The following NTN1 variants were observed in gnomAD, a reference collection of about 807,000 sequenced individuals.
The protein encoded by NTN1 is netrin 1.
Under a neutral mutation model 54.2 loss-of-function variants are expected in NTN1, and 11 were observed. That is an observed-to-expected ratio of 0.20 (90% confidence interval 0.13 to 0.34). NTN1 has a LOEUF of 0.34. Among genes scored for constraint, NTN1 ranks in the 10% least tolerant of loss-of-function variants. The pLI is 1.00. For synonymous variants in NTN1, 371 were observed against 382.0 expected, an observed-to-expected ratio of 0.97 and a Z score of 0.33; for missense variants, 740 against 893.1, an observed-to-expected ratio of 0.83 and a Z score of 2.18.
At chr17:9,185,692 C>A (rs1191219188) in intron 5 of NTN1, among the ~76,000 whole-genome samples, 1 of 152,160 alleles carries the variant, frequency 6.6e-6, no homozygotes, top group Admixed American at 6.5e-5. Flanking sequence ...TGGCACTCAC[C>A]TACTTGTTGG....
At chr17:9,147,275 G>C (rs538256071) in intron 2 of NTN1, among the ~76,000 whole-genome samples, 1 of 152,326 alleles carries the variant, frequency 6.6e-6, no homozygotes, top group African/African-American at 2.4e-5. Flanking sequence ...GGAGGCCGAG[G>C]TGGGCAGATC....
chr17:9,027,493 C>T (rs562562064), intron 2 of NTN1, among the ~76,000 whole-genome samples: 41 of 152,184 alleles, frequency 2.7e-4, no homozygotes, highest in African/African-American at 8.7e-4. Context: ...ATCCACTGTG[C>T]TGCTTTTCCA....
intron 2 of NTN1, among the ~76,000 whole-genome samples, chr17:9,074,820 A>G (rs1457982246): frequency 1.3e-5 from 2 of 152,212 alleles, no homozygotes; most frequent in Non-Finnish European, 2.9e-5. Flanking sequence ...AGCTGCCACT[A>G]TCTGGGAAAT....
At chr17:9,166,072 T>C (rs925592101) in intron 3 of NTN1, among the ~76,000 whole-genome samples, 5 of 151,948 alleles carry the variant, frequency 3.3e-5, no homozygotes, top group African/African-American at 9.7e-5. Context: ...GTAGGAACCA[T>C]CGTTAGGAGA....
intron 3 of NTN1, chr17:9,175,242 A>G (rs2092396927): frequency 1.3e-5 from 2 of 152,220 alleles, no homozygotes; most frequent in Non-Finnish European, 2.9e-5. Flanking sequence ...GAAACTGACG[A>G]TGAGAACCAC....
chr17:9,229,701 C>T (rs1905740317), intron 6 of NTN1, among the ~76,000 whole-genome samples: 1 of 152,032 alleles, frequency 6.6e-6, no homozygotes, highest in African/African-American at 2.4e-5. Context: ...AGCAGAGGCA[C>T]TGGGCATAGT....
rs1904909209 is a variant in NTN1, at chr17:9,204,329, T to C, written c.1412-16839T>C. On this transcript the variant is annotated intron_variant, in intron 5 of 6. Coordinates refer to ENST00000173229, the MANE Select transcript of NTN1 (RefSeq NM_004822.3). ...CTCTCTTTCTTTCTGACAGAGTCTC[T>C]GTTGCCCAGGCTGGAGTGCAGTGGC... Among the ~76,000 whole-genome samples, 5 of 151,844 alleles carry C rather than the reference T, an allele frequency of 3.3e-5. No individual in the cohort carries two copies. In the South Asian group the frequency reaches 1.0e-3, roughly 32 times the overall value.
intron 2 of NTN1, among the ~76,000 whole-genome samples, chr17:9,125,171 C>G (rs1331476296): frequency 6.6e-6 from 1 of 151,922 alleles, no homozygotes; most frequent in Non-Finnish European, 1.5e-5. Context: ...AAGCAGTCCT[C>G]CCACCCCAGT....
chr17:9,028,367 G>A (rs547544777), intron 2 of NTN1, among the ~76,000 whole-genome samples: 1 of 152,252 alleles, frequency 6.6e-6, no homozygotes, highest in South Asian at 2.1e-4. Flanking sequence ...GTTCTCTGCT[G>A]GGGTCCTCAT....
At chr17:9,199,211 C>T (rs1305118239) in intron 5 of NTN1, among the ~76,000 whole-genome samples, 4 of 152,304 alleles carry the variant, frequency 2.6e-5, no homozygotes, top group East Asian at 1.9e-4. Flanking sequence ...GGCACAATCT[C>T]GGCTCATTGC....
Position 9,072,168 on chromosome 17 carries a change from T to G in NTN1, c.1018+48777T>G, listed in dbSNP as rs143942283. Among the ~76,000 whole-genome samples, 82 of 151,638 alleles carry G rather than the reference T, an allele frequency of 5.4e-4. No individual in the cohort carries two copies. In the East Asian group the frequency reaches 0.015, roughly 28 times the overall value. On this transcript the variant is annotated intron_variant, in intron 2 of 6. Coordinates refer to ENST00000173229, the MANE Select transcript of NTN1 (RefSeq NM_004822.3). ...CACGTGATCCATCATTTCCTGGGGG[T>G]CTTCATGAGTCCTTAGCCCCAGCTT...
At chr17:9,178,821 G>A (rs910402855) in intron 3 of NTN1, 2 of 152,436 alleles carry the variant, frequency 1.3e-5, no homozygotes, top group Admixed American at 1.3e-4. Flanking sequence ...AGGGAGGCAG[G>A]ACTTAGCAGG....
intron 2 of NTN1, among the ~76,000 whole-genome samples, chr17:9,095,511 C>T (rs191711682): frequency 6.6e-6 from 1 of 152,334 alleles, no homozygotes. Flanking sequence ...CGAAATGCTC[C>T]TTTGCCATGT....
chr17:9,022,340 C>T lies in NTN1; in HGVS notation c.-34C>T, dbSNP rs1162476842. 4 of 1,271,180 alleles carry T rather than the reference C, an allele frequency of 3.1e-6. No individual in the cohort carries two copies. The highest frequency in any genetic ancestry group is 3.1e-5 in the African/African-American group (2 of 64,304). The allele number at this position is 1,271,180 out of a possible 1,614,324, so 78.7% of individuals were successfully genotyped here. On this transcript the variant is annotated 5_prime_UTR_variant, in exon 2 of 7. Coordinates refer to ENST00000173229, the MANE Select transcript of NTN1 (RefSeq NM_004822.3). Reference sequence around the variant, plus strand: ...CTTCTGCGGCAGGCGGACAGATCCTCGGCGCGGCAGGGCCGGGGCAAGCTG... The same window carrying T: ...CTTCTGCGGCAGGCGGACAGATCCTTGGCGCGGCAGGGCCGGGGCAAGCTG...
At position 9,022,378 on chromosome 17, in the gene NTN1, T is replaced by C; in HGVS notation, c.5T>C (p.Met2Thr). 6.1e-6 allele frequency: 8 copies of C among 1,313,454 alleles called. No homozygotes were observed. Among genetic ancestry groups the C allele is most frequent in the Non-Finnish European group, 7.7e-6 (8 of 1,040,298 alleles). 81.4% of individuals were successfully genotyped at this position (1,313,454 alleles called of 1,614,324 possible). Residue 2 changes from methionine to threonine, a missense_variant, in exon 2 of 7, where the codon ATG becomes ACG. Met to Thr is a moderately conservative substitution (Grantham distance 81). Coordinates refer to ENST00000173229, the MANE Select transcript of NTN1 (RefSeq NM_004822.3). ...CCGGGGCAAGCTGGACGCAGCATGA[T>C]GCGCGCAGTGTGGGAGGCGCTGGCG... M[M>T]RAVWEALAAL... is the part of the protein sequence containing the mutation.
Position 9,241,202 on chromosome 17 carries a change from G to A in NTN1, c.*1234G>A, listed in dbSNP as rs1906201858. 6.6e-6 allele frequency: 1 copy of A among 152,510 alleles called. No homozygotes were observed. The highest frequency in any genetic ancestry group is 1.5e-5 in the Non-Finnish European group (1 of 68,266). 9.4% of individuals were successfully genotyped at this position (152,510 alleles called of 1,614,324 possible). Reference sequence around the variant, plus strand: ...AATGACCAGGTTCCTGGGGGCCAAGGAGGCCATGCTGGCTTCTCCAAGGGA... The same window carrying A: ...AATGACCAGGTTCCTGGGGGCCAAGAAGGCCATGCTGGCTTCTCCAAGGGA... On this transcript the variant is annotated 3_prime_UTR_variant, in exon 7 of 7. Coordinates refer to ENST00000173229, the MANE Select transcript of NTN1 (RefSeq NM_004822.3).
Position 9,221,147 on chromosome 17 carries a change from T to TGGG in NTN1, c.1412-21_1412-20insGGG. On this transcript the variant is annotated intron_variant, in intron 5 of 6. Transcript: ENST00000173229. This position sits in a 1 kb window ranked among gnomAD's most constrained non-coding sequence, Gnocchi z 4.5. Reference sequence around the variant, plus strand: ...CAGCCTAATTAGTTTTTGTCTGTGCTCCCCCCCCACCCCCCTGCAGACTGC... The same window carrying TGGG: ...CAGCCTAATTAGTTTTTGTCTGTGCTGGGCCCCCCCCACCCCCCTGCAGACTGC... 313 of 1,302,478 alleles carry TGGG rather than the reference T, an allele frequency of 2.4e-4. No individual in the cohort carries two copies. The highest frequency in any genetic ancestry group is 8.5e-4 in the Middle Eastern group (4 of 4,680). 80.7% of individuals were successfully genotyped at this position (1,302,478 alleles called of 1,614,324 possible). A position where few individuals can be genotyped will look rare whatever the true frequency, so the allele number is the denominator to read the frequency against.
chr17:9,075,406 T>C (rs2092045990), intron 2 of NTN1, among the ~76,000 whole-genome samples: 1 of 152,052 alleles, frequency 6.6e-6, no homozygotes, highest in Non-Finnish European at 1.5e-5. Flanking sequence ...CGCTTGAACC[T>C]GGAAGGTGGA....
chr17:9,127,965 A>G (rs942652111), intron 2 of NTN1, among the ~76,000 whole-genome samples: 1 of 151,808 alleles, frequency 6.6e-6, no homozygotes, highest in African/African-American at 2.4e-5. Flanking sequence ...AAAAATAGAA[A>G]AATTAGCTGG....
Sources: gnomAD v4.1 joint callset for allele counts (sites outside exome capture counted in the v4.1 genomes callset) on GRCh38, gnomAD v4.1.1 for gene constraint, Gnocchi (gnomAD v3.1) non-coding constraint, MANE v1.5 for transcripts, NCBI Gene and HGNC (gene_info 2026-07-23, HGNC 2026-07-21) for gene names.